Variants in RAB31 observed in about 807,000 individuals in gnomAD.
The protein encoded by RAB31 is ras-related protein Rab-31.
RAB31 carries 21 observed loss-of-function variants against 25.6 expected under a neutral mutation model. That is an observed-to-expected ratio of 0.82 (90% CI 0.58 to 1.18). The LOEUF is 1.18. Among genes scored for constraint, RAB31 ranks in the 50% most tolerant of loss-of-function variants. The probability of loss-of-function intolerance (pLI) is 0.00; values close to 1 mark genes in which losing one functional copy is unlikely to be tolerated. For synonymous variants in RAB31, 87 were observed against 84.0 expected, an observed-to-expected ratio of 1.04 and a Z score of -0.20; for missense variants, 196 against 250.1, an observed-to-expected ratio of 0.78 and a Z score of 1.46.
intron 2 of RAB31, among the ~76,000 whole-genome samples, chr18:9,791,388 CTTTTTTTTTTTT>C (rs35523044): frequency 6.7e-5 from 4 of 59,568 alleles, no homozygotes; most frequent in South Asian, 7.7e-4. Flanking sequence ...GAAACACAGT[CTTTTTTTTTTTT>C]TTTTTTTTTT....
chr18:9,858,294 G>C (rs78912223), intron 6 of RAB31, among the ~76,000 whole-genome samples: 1 of 152,210 alleles, frequency 6.6e-6, no homozygotes, highest in African/African-American at 2.4e-5. Flanking sequence ...ACAGGGCGAG[G>C]TGAGGATGGT....
chr18:9,784,587 C>G (rs1274295727), intron 2 of RAB31, among the ~76,000 whole-genome samples: 3 of 145,384 alleles, frequency 2.1e-5, no homozygotes, highest in African/African-American at 7.7e-5. Flanking sequence ...GAGTCTTGCT[C>G]TGTCACCCAG....
intron 1 of RAB31, among the ~76,000 whole-genome samples, chr18:9,750,425 C>T (rs544036958): frequency 5.3e-5 from 8 of 152,326 alleles, no homozygotes; most frequent in South Asian, 2.1e-4. Context: ...AGAAGGATCC[C>T]GCCTTGTAAA....
intron 1 of RAB31, among the ~76,000 whole-genome samples, chr18:9,765,920 G>A (rs2068313529): frequency 6.9e-6 from 1 of 144,982 alleles, no homozygotes; most frequent in Non-Finnish European, 1.5e-5. Flanking sequence ...TGATTGCTTT[G>A]TAACAAACCT....
intron 1 of RAB31, among the ~76,000 whole-genome samples, chr18:9,759,831 A>G (rs537086544): frequency 3.4e-4 from 51 of 152,208 alleles, no homozygotes; most frequent in African/African-American, 1.2e-3. Flanking sequence ...TTATAAGGGG[A>G]AAGCACCACA....
intron 1 of RAB31, among the ~76,000 whole-genome samples, chr18:9,738,255 C>T (rs1459652792): frequency 3.9e-5 from 6 of 152,186 alleles, no homozygotes; most frequent in Non-Finnish European, 8.8e-5. Flanking sequence ...CCCTTAGAAT[C>T]TCTGGAGCAA....
intron 5 of RAB31, among the ~76,000 whole-genome samples, chr18:9,830,091 C>T (rs2068669893): frequency 6.6e-6 from 1 of 151,926 alleles, no homozygotes; most frequent in Admixed American, 6.6e-5. Flanking sequence ...GCCTTGAACT[C>T]CTGGGCTCAA....
chr18:9,857,226 C>G (rs1568197874), intron 6 of RAB31, among the ~76,000 whole-genome samples: 1 of 151,820 alleles, frequency 6.6e-6, no homozygotes, highest in Non-Finnish European at 1.5e-5. Flanking sequence ...TGCTGGTGAC[C>G]TTCATCTTTA....
chr18:9,711,235 A>G (rs575843265), intron 1 of RAB31, among the ~76,000 whole-genome samples: 1 of 152,142 alleles, frequency 6.6e-6, no homozygotes, highest in South Asian at 2.1e-4. Context: ...TCCAGGCTGG[A>G]GTGCAGTGGT....
At chr18:9,772,014 G>T (rs993195774) in intron 1 of RAB31, among the ~76,000 whole-genome samples, 3 of 152,226 alleles carry the variant, frequency 2.0e-5, no homozygotes, top group Non-Finnish European at 2.9e-5. Flanking sequence ...TGACGCTTGA[G>T]CCCTTTGTAG....
intron 1 of RAB31, among the ~76,000 whole-genome samples, chr18:9,745,888 C>A (rs1453501705): frequency 1.3e-5 from 2 of 152,190 alleles, no homozygotes; most frequent in Non-Finnish European, 2.9e-5. Flanking sequence ...CCCACTTTCA[C>A]CGTGGCTGTT....
At chr18:9,804,170 G>GA (rs2068528120) in intron 3 of RAB31, among the ~76,000 whole-genome samples, 1 of 152,146 alleles carries the variant, frequency 6.6e-6, no homozygotes, top group Admixed American at 6.5e-5. Flanking sequence ...CTTGCCCCTC[G>GA]GGGGTTCTTT....
chr18:9,764,161 T>TCAG (rs764334705), intron 1 of RAB31, among the ~76,000 whole-genome samples: 5 of 152,222 alleles, frequency 3.3e-5, no homozygotes, highest in Admixed American at 6.5e-5. Flanking sequence ...AACTCAGCCA[T>TCAG]CAGCAATCCA....
At chr18:9,719,972 C>CT (rs68175651) in intron 1 of RAB31, among the ~76,000 whole-genome samples, 224 of 148,656 alleles carry the variant, frequency 1.5e-3, no homozygotes, top group Non-Finnish European at 1.4e-3. Context: ...CCAGGCTCAC[C>CT]TTTTTTTTTT....
intron 5 of RAB31, among the ~76,000 whole-genome samples, chr18:9,832,585 G>A (rs987714607): frequency 6.6e-6 from 1 of 152,182 alleles, no homozygotes; most frequent in African/African-American, 2.4e-5. Context: ...GGAACGGGCC[G>A]CGAATGTCGG....
At chr18:9,771,885 A>C (rs2068347020) in intron 1 of RAB31, among the ~76,000 whole-genome samples, 1 of 152,230 alleles carries the variant, frequency 6.6e-6, no homozygotes, top group Non-Finnish European at 1.5e-5. Context: ...GCATTCTAAA[A>C]GAGGTGAGAG....
intron 1 of RAB31, chr18:9,723,740 C>G (rs947876186): frequency 2.6e-5 from 4 of 152,118 alleles, no homozygotes; most frequent in African/African-American, 9.7e-5. Context: ...GAGAGCAAAA[C>G]CAAATAAGCC....
chr18:9,826,346 A>G (rs2068649688), intron 5 of RAB31, among the ~76,000 whole-genome samples: 1 of 152,196 alleles, frequency 6.6e-6, no homozygotes, highest in South Asian at 2.1e-4. Context: ...ACTGCATTCC[A>G]GCCTGGGTGA....
In RAB31 at chr18:9,775,430, C is replaced by T. The variant is rs906166191; in HGVS notation, c.119+73C>T. ...ATCAGAATGACCACTCTGTCTGTGC[C>T]TGAGCCTTCAGGCAGGGCCACAGTT... On this transcript the variant is annotated intron_variant, in intron 2 of 6. Coordinates refer to ENST00000578921, the MANE Select transcript of RAB31 (RefSeq NM_006868.4). The T allele has an allele frequency of 1.0e-5, 16 of 1,596,006 alleles. No individual in the cohort carries two copies. In the African/African-American group the frequency reaches 1.5e-4, roughly 15 times the overall value.
Sources: gnomAD v4.1 joint callset for allele counts (sites outside exome capture counted in the v4.1 genomes callset) on GRCh38, gnomAD v4.1.1 for gene constraint, MANE v1.5 for transcripts, NCBI Gene and HGNC (gene_info 2026-07-23, HGNC 2026-07-21) for gene names.